The following SLAIN2 variants were observed in gnomAD, a reference collection of about 807,000 sequenced individuals.
The protein encoded by SLAIN2 is SLAIN motif-containing protein 2.
A neutral mutation model predicts 56.6 loss-of-function variants in SLAIN2; 31 were observed. The ratio of observed to expected loss-of-function variants is 0.55; its 90% CI spans 0.41 to 0.74. The LOEUF (loss-of-function observed/expected upper bound fraction) is 0.74, where lower values mean the gene tolerates loss of function less well. Among genes scored for constraint, SLAIN2 ranks in the 30% least tolerant of loss-of-function variants. The pLI, the probability that SLAIN2 is intolerant of heterozygous loss-of-function variation, is 0.00. For missense variants in SLAIN2, 777 were observed against 754.2 expected (o/e 1.03, Z -0.35); for synonymous variants, 317 against 284.9 (o/e 1.11, Z -1.13).
intron 6 of SLAIN2, among the ~76,000 whole-genome samples, chr4:48,394,009 T>TA (rs1260142766): frequency 2.0e-5 from 3 of 152,172 alleles, no homozygotes; most frequent in African/African-American, 4.8e-5. Flanking sequence ...ACAGCTTAGA[T>TA]ATCCAAAGTC....
chr4:48,346,781 T>G (rs1278964474), intron 1 of SLAIN2, among the ~76,000 whole-genome samples: 1 of 152,104 alleles, frequency 6.6e-6, no homozygotes, highest in Non-Finnish European at 1.5e-5. Flanking sequence ...GGTTTGTGTA[T>G]GTGTGTGGGT....
rs368866915 is a variant in SLAIN2, at chr4:48,421,910, G to A, written c.1680-101G>A. ...GACTTGGTACGGCCTTCATGGGATC[G>A]TGATGCCACCTGAAGAGTAATTAAT... On this transcript the variant is annotated intron_variant, in intron 7 of 7. Transcript: ENST00000264313. 125 of 953,062 alleles carry A rather than the reference G, an allele frequency of 1.3e-4. 3 individuals are homozygous for A. The South Asian group carries it at 1.8e-3, about 13-fold the overall frequency. The allele number at this position is 953,062 out of a possible 1,614,324, so 59.0% of individuals were successfully genotyped here.
intron 6 of SLAIN2, among the ~76,000 whole-genome samples, chr4:48,408,527 T>C (rs1187222641): frequency 4.8e-5 from 1 of 21,050 alleles, no homozygotes; most frequent in South Asian, 2.6e-3. Flanking sequence ...TGTCCGTTTT[T>C]AGCAAAAAAA....
chr4:48,356,003 A>G (rs1286221668), intron 1 of SLAIN2, among the ~76,000 whole-genome samples: 1 of 152,112 alleles, frequency 6.6e-6, no homozygotes, highest in East Asian at 1.9e-4. Flanking sequence ...ATGTTTCTGT[A>G]TCTTTTCCAA....
At chr4:48,414,550 AT>A (rs36222817) in intron 6 of SLAIN2, among the ~76,000 whole-genome samples, 3,375 of 136,872 alleles carry the variant, frequency 0.025, 45 homozygotes, top group East Asian at 0.065. Flanking sequence ...TTGGTGTGGT[AT>A]TTTTTTTTTT....
At chr4:48,384,928 C>A (rs1182917402) in intron 6 of SLAIN2, among the ~76,000 whole-genome samples, 1 of 152,074 alleles carries the variant, frequency 6.6e-6, no homozygotes, top group African/African-American at 2.4e-5. Flanking sequence ...TTAATAAAAA[C>A]AATAATGATA....
chr4:48,354,440 A>T (rs180739297), intron 1 of SLAIN2, among the ~76,000 whole-genome samples: 1 of 150,898 alleles, frequency 6.6e-6, no homozygotes, highest in Non-Finnish European at 1.5e-5. Context: ...CACTTGAGAG[A>T]GAGATCCTCG....
chr4:48,341,776 G>A lies in SLAIN2; in HGVS notation c.37G>A (p.Glu13Lys). The A allele has an allele frequency of 2.6e-6, 4 of 1,530,824 alleles. No homozygotes were observed. Among genetic ancestry groups the A allele is most frequent in the Non-Finnish European group, 3.5e-6 (4 of 1,138,860 alleles). The allele number at this position is 1,530,824 out of a possible 1,614,324, so 94.8% of individuals were successfully genotyped here. Residue 13 changes from glutamate to lysine, a missense_variant, in exon 1 of 8, where the codon GAG becomes AAG. Physicochemically the swap from Glu to Lys is moderately conservative, Grantham distance 56 (BLOSUM62 1). Transcript: ENST00000264313. ...TAACTCCAACGTGAACGCGGACCAG[G>A]AGGTGCGGAAGCTGCAGGAGCTGGT... ...DVNSNVNADQ[E>K]VRKLQELVKK...
At chr4:48,389,967 GAA>G (rs1370747715) in intron 6 of SLAIN2, among the ~76,000 whole-genome samples, 1 of 152,148 alleles carries the variant, frequency 6.6e-6, no homozygotes, top group African/African-American at 2.4e-5. Context: ...GGTGAGACTA[GAA>G]ACCACTTAGG....
intron 1 of SLAIN2, among the ~76,000 whole-genome samples, chr4:48,363,373 G>A (rs1178188061): frequency 6.2e-5 from 5 of 81,230 alleles, no homozygotes; most frequent in African/African-American, 1.2e-4. Context: ...CGGACGGGGC[G>A]GCTGGCCGGG....
At chr4:48,373,270 T>TATACTAAACTTTTTCATCATCCC (rs1252652858) in intron 2 of SLAIN2, among the ~76,000 whole-genome samples, 3 of 152,216 alleles carry the variant, frequency 2.0e-5, no homozygotes, top group African/African-American at 7.2e-5. Context: ...TTAATCATCC[T>TATACTAAACTTTTTCATCATCCC]ATACTAAACT....
intron 6 of SLAIN2, among the ~76,000 whole-genome samples, chr4:48,397,895 G>C (rs7672892): frequency 0.58 from 88,447 of 151,978 alleles, 26,292 homozygotes; most frequent in South Asian, 0.71. Flanking sequence ...TTTCTTTATC[G>C]AGTCTGCCAT....
intron 1 of SLAIN2, among the ~76,000 whole-genome samples, chr4:48,369,484 C>A (rs1445329620): frequency 6.6e-6 from 1 of 152,052 alleles, no homozygotes; most frequent in Non-Finnish European, 1.5e-5. Flanking sequence ...AGGTGGAGAG[C>A]AAAGAATTTA....
intron 1 of SLAIN2, among the ~76,000 whole-genome samples, chr4:48,354,036 G>T (rs1175170140): frequency 6.6e-6 from 1 of 152,076 alleles, no homozygotes; most frequent in African/African-American, 2.4e-5. Flanking sequence ...TTAGAGCTCT[G>T]TGACTGACAC....
At chr4:48,405,506 T>C (rs916340813) in intron 6 of SLAIN2, among the ~76,000 whole-genome samples, 3 of 152,196 alleles carry the variant, frequency 2.0e-5, no homozygotes, top group Non-Finnish European at 4.4e-5. Context: ...ACTTTGCTGA[T>C]TACTTTTTCA....
At chr4:48,374,259 C>T (rs750358476) in intron 2 of SLAIN2, among the ~76,000 whole-genome samples, 11 of 151,880 alleles carry the variant, frequency 7.2e-5, no homozygotes, top group Non-Finnish European at 1.6e-4. Context: ...TTTTTGGAGA[C>T]GGAGTCTTGC....
rs1465781823 is a variant in SLAIN2, at chr4:48,393,202, G to A, written c.1360+9418G>A. ...AGCCTGGCCAATATGGTGAAACCCCGTCTCTACTAAAAATACAAAAATTAA... is the reference window on the plus strand; with the variant it reads ...AGCCTGGCCAATATGGTGAAACCCCATCTCTACTAAAAATACAAAAATTAA... On this transcript the variant is annotated intron_variant, in intron 6 of 7. Transcript: ENST00000264313. Among the ~76,000 whole-genome samples the A allele has an allele frequency of 3.6e-4, 54 of 151,968 alleles. No homozygotes were observed. The Middle Eastern group carries it at 0.014, about 38-fold the overall frequency.
At chr4:48,383,888 GT>G in intron 6 of SLAIN2, 104 bp downstream of exon 6, 1 of 1,257,546 alleles carries the variant, frequency 8.0e-7, no homozygotes, top group Non-Finnish European at 1.1e-6. Context: ...CTGAAAAACC[GT>G]TTTAAACCAT....
chr4:48,392,485 G>C (rs1716261312), intron 6 of SLAIN2, among the ~76,000 whole-genome samples: 1 of 152,168 alleles, frequency 6.6e-6, no homozygotes, highest in Non-Finnish European at 1.5e-5. Context: ...AGTGTGGACT[G>C]TGATGTGGAC....
Sources: allele counts gnomAD v4.1 joint callset (sites outside exome capture counted in the v4.1 genomes callset), GRCh38; gene constraint gnomAD v4.1.1; transcripts MANE v1.5; gene names NCBI Gene and HGNC (gene_info 2026-07-23, HGNC 2026-07-21).